Variants in FOXN3 observed in about 807,000 individuals in gnomAD.
FOXN3 encodes forkhead box protein N3.
A neutral mutation model predicts 38.4 loss-of-function variants in FOXN3; 7 were observed. The observed-to-expected ratio is 0.18, with a 90% CI of 0.10 to 0.34. The LOEUF (loss-of-function observed/expected upper bound fraction) is 0.34. FOXN3 is among the 10% of genes least tolerant of loss of function. The pLI is 1.00. For synonymous variants in FOXN3, 230 were observed against 242.2 expected (o/e 0.95, Z 0.47); for missense variants, 456 against 613.4 (o/e 0.74, Z 2.71).
At chr14:89,555,128 GT>G (rs34253143) in intron 1 of FOXN3, among the ~76,000 whole-genome samples, 130,528 of 152,012 alleles carry the variant, frequency 0.86, 56,240 homozygotes, top group Admixed American at 0.88. Context: ...AAATAATGTG[GT>G]TTTTTTTGTA....
At chr14:89,507,514 T>C (rs1176686530) in intron 1 of FOXN3, among the ~76,000 whole-genome samples, 2 of 152,216 alleles carry the variant, frequency 1.3e-5, no homozygotes, top group African/African-American at 4.8e-5. Context: ...TTGCAAACCA[T>C]ACATCAACTT....
At chr14:89,423,339 G>A (rs1891957143) in intron 1 of FOXN3, among the ~76,000 whole-genome samples, 1 of 152,176 alleles carries the variant, frequency 6.6e-6, no homozygotes, top group Admixed American at 6.5e-5. Flanking sequence ...CTGTTGTGAA[G>A]ATTAAATAAA....
At chr14:89,177,301 G>A (rs909708039) in intron 5 of FOXN3, among the ~76,000 whole-genome samples, 2 of 152,146 alleles carry the variant, frequency 1.3e-5, no homozygotes, top group Admixed American at 6.5e-5. Flanking sequence ...GTGAGCCATC[G>A]TGCCCGGCCT....
chr14:89,402,839 G>C (rs1891287256), intron 2 of FOXN3, among the ~76,000 whole-genome samples: 2 of 152,188 alleles, frequency 1.3e-5, no homozygotes, highest in Admixed American at 1.3e-4. Context: ...TACGCCCCTA[G>C]CTTGTTTAAA....
intron 1 of FOXN3, among the ~76,000 whole-genome samples, chr14:89,444,712 T>C (rs1357790786): frequency 2.0e-5 from 3 of 152,194 alleles, no homozygotes; most frequent in East Asian, 1.9e-4. Context: ...CGATGTTCTG[T>C]CACTTGATGG....
At chr14:89,506,817 T>A (rs1893950192) in intron 1 of FOXN3, among the ~76,000 whole-genome samples, 1 of 152,236 alleles carries the variant, frequency 6.6e-6, no homozygotes, top group East Asian at 1.9e-4. Flanking sequence ...TGTTGATCTG[T>A]GACCTTACCC....
At chr14:89,445,476 T>C (rs1254578906) in intron 1 of FOXN3, among the ~76,000 whole-genome samples, 1 of 152,172 alleles carries the variant, frequency 6.6e-6, no homozygotes, top group Non-Finnish European at 1.5e-5. Context: ...TTAATTTAAT[T>C]ATCATATGGC....
intron 4 of FOXN3, among the ~76,000 whole-genome samples, chr14:89,264,359 G>C (rs1002983624): frequency 5.3e-5 from 8 of 152,230 alleles, no homozygotes; most frequent in Admixed American, 1.3e-4. Flanking sequence ...AGCAAAAGGG[G>C]AAAACCCTTA....
At chr14:89,367,906 G>A (rs569481041) in intron 2 of FOXN3, among the ~76,000 whole-genome samples, 1 of 152,270 alleles carries the variant, frequency 6.6e-6, no homozygotes, top group South Asian at 2.1e-4. Flanking sequence ...CTCAACCCAA[G>A]CATCGTATCT....
At chr14:89,232,772 G>A (rs10131102) in intron 4 of FOXN3, among the ~76,000 whole-genome samples, 3,224 of 152,282 alleles carry the variant, frequency 0.021, 120 homozygotes, top group African/African-American at 0.074. Context: ...AAGCTGGCGA[G>A]AGCGTCAATT....
chr14:89,187,686 AG>A (rs1887843169), intron 4 of FOXN3, among the ~76,000 whole-genome samples: 1 of 152,196 alleles, frequency 6.6e-6, no homozygotes, highest in Non-Finnish European at 1.5e-5. Flanking sequence ...TGGCGGGGGT[AG>A]GGGGCACGGA....
At chr14:89,481,261 A>C (rs544375074) in intron 1 of FOXN3, among the ~76,000 whole-genome samples, 84 of 152,298 alleles carry the variant, frequency 5.5e-4, no homozygotes, top group African/African-American at 2.0e-3. Context: ...TTTTCCATGT[A>C]AAATGCAGCG....
At chr14:89,601,118 A>G (rs1896143902) in intron 1 of FOXN3, among the ~76,000 whole-genome samples, 1 of 152,212 alleles carries the variant, frequency 6.6e-6, no homozygotes, top group African/African-American at 2.4e-5. Flanking sequence ...GAGATGCTCA[A>G]TCAGATAAAA....
At position 89,209,418 on chromosome 14, in the gene FOXN3, T is replaced by C. The variant is rs376991956; in HGVS notation, c.746-28612A>G. Among the ~76,000 whole-genome samples, 8 of 152,378 alleles carry C rather than the reference T, an allele frequency of 5.3e-5. No individual in the cohort carries two copies. The South Asian group carries it at 1.7e-3, about 32-fold the overall frequency. On this transcript the variant is annotated intron_variant, in intron 4 of 5. Transcript: ENST00000557258. ...TGAGAGATATTGGAGCACCAGCTAA[T>C]TCCTTCCCGGCTGAAAGGAGGAACA...
At chr14:89,297,240 G>GA (rs1005786705) in intron 3 of FOXN3, among the ~76,000 whole-genome samples, 7 of 152,120 alleles carry the variant, frequency 4.6e-5, no homozygotes, top group East Asian at 1.9e-4. Context: ...CAGGCACTCT[G>GA]AAAAAACAGT....
intron 4 of FOXN3, among the ~76,000 whole-genome samples, chr14:89,270,336 C>G (rs1469974798): frequency 6.6e-6 from 1 of 152,168 alleles, no homozygotes; most frequent in Admixed American, 6.5e-5. Context: ...TGTTGTCTGT[C>G]GGGGGTGGAA....
intron 4 of FOXN3, among the ~76,000 whole-genome samples, chr14:89,224,107 C>T (rs1024512559): frequency 1.1e-4 from 17 of 151,914 alleles, no homozygotes; most frequent in African/African-American, 4.1e-4. Flanking sequence ...GTCATATATA[C>T]TATACAAGAA....
At chr14:89,360,380 AAGGG>A (rs1162912560) in intron 2 of FOXN3, among the ~76,000 whole-genome samples, 3 of 142,758 alleles carry the variant, frequency 2.1e-5, no homozygotes, top group South Asian at 2.4e-4. Flanking sequence ...GAGAAAGGGA[AAGGG>A]AGGGAGGGAG....
chr14:89,165,321 C>T (rs1004423156), intron 5 of FOXN3, among the ~76,000 whole-genome samples: 2 of 152,196 alleles, frequency 1.3e-5, no homozygotes, highest in African/African-American at 2.4e-5. Flanking sequence ...TGTGGGGCTG[C>T]GTGAGGATTA....
Sources: gnomAD v4.1 joint callset for allele counts (sites outside exome capture counted in the v4.1 genomes callset) on GRCh38, gnomAD v4.1.1 for gene constraint, MANE v1.5 for transcripts, NCBI Gene and HGNC (gene_info 2026-07-23, HGNC 2026-07-21) for gene names.